The following MYO1G variants were observed in gnomAD, a reference collection of about 807,000 sequenced individuals.
The protein encoded by MYO1G is myosin IG.
MYO1G carries 65 observed loss-of-function variants against 115.3 expected under a neutral mutation model. The observed-to-expected ratio is 0.56, with a 90% CI of 0.46 to 0.69. The LOEUF is 0.69. MYO1G is among the 30% of genes least tolerant of loss of function. MYO1G has a pLI of 0.00. For synonymous variants in MYO1G, 510 were observed against 552.6 expected (o/e 0.92, Z 1.08); for missense variants, 1,204 against 1,393.5 (o/e 0.86, Z 2.16).
intron 6 of MYO1G, 37 bp from the exon 7 acceptor site, chr7:44,971,826 T>C: frequency 6.9e-7 from 1 of 1,459,446 alleles, no homozygotes; most frequent in African/African-American, 1.4e-5. Context: ...AAAGCCACAC[T>C]GGGCCCAGGA....
In MYO1G at chr7:44,963,898, G is replaced by A; in HGVS notation, c.2745+151C>T. The A allele has an allele frequency of 1.5e-6, 1 of 667,130 alleles. No individual in the cohort carries two copies. Among genetic ancestry groups the A allele is most frequent in the Non-Finnish European group, 2.6e-6 (1 of 384,070 alleles). 41.3% of individuals were successfully genotyped at this position (667,130 alleles called of 1,614,324 possible). A position where few individuals can be genotyped will look rare whatever the true frequency, so the allele number is the denominator to read the frequency against. The stretch of plus-strand genomic sequence containing the variant: ...CTGTGGGCGTGGGAAGCCACTGCAG[G>A]ATTTTCAGCACGGGTGCCACCATCG... On this transcript the variant is annotated intron_variant, in intron 20 of 21. Coordinates refer to ENST00000258787, the MANE Select transcript of MYO1G (RefSeq NM_033054.3). This position sits in a 1 kb window ranked among gnomAD's most constrained non-coding sequence, Gnocchi z 4.1.
At chr7:44,976,534 TG>T in intron 3 of MYO1G, 29 bp downstream of exon 3, 1 of 1,607,496 alleles carries the variant, frequency 6.2e-7, no homozygotes, top group African/African-American at 1.3e-5. Flanking sequence ...CCTGCCATGC[TG>T]AGGCCCAGAG....
At chr7:44,978,760 C>G in intron 1 of MYO1G, 107 bp downstream of exon 1, 2 of 1,066,380 alleles carry the variant, frequency 1.9e-6, no homozygotes, top group South Asian at 1.4e-5. Context: ...GCCACTGCCC[C>G]CTCCCTTGGA....
chr7:44,964,221 G>A lies in MYO1G; in HGVS notation c.2632-59C>T. On this transcript the variant is annotated intron_variant, in intron 19 of 21. Transcript: ENST00000258787. This position sits in a 1 kb window ranked among gnomAD's most constrained non-coding sequence, Gnocchi z 5.1. ...TGCCCTGTCACCCACCAGGGCCCCA[G>A]GCTTCGGCAGTCCCTACTGCCTCCC... is the stretch of plus-strand genomic sequence containing the variant. 5.5e-6 allele frequency: 8 copies of A among 1,465,864 alleles called. No individual in the cohort carries two copies. In the Admixed American group the frequency reaches 1.6e-4, roughly 29 times the overall value. 90.8% of individuals were successfully genotyped at this position (1,465,864 alleles called of 1,614,324 possible).
chr7:44,966,319 G>C lies in MYO1G; in HGVS notation c.1950-39C>G, dbSNP rs1794843447. On this transcript the variant is annotated intron_variant, in intron 15 of 21. Coordinates refer to ENST00000258787, the MANE Select transcript of MYO1G (RefSeq NM_033054.3). This position sits in a 1 kb window ranked among gnomAD's most constrained non-coding sequence, Gnocchi z 5.0. ...ACAGGGCAGTGTGGCCCAGGCCTGG[G>C]GGAGAGATGATGGAGCCCACCCTGC... 1 of 1,544,028 alleles carries C rather than the reference G, an allele frequency of 6.5e-7. No homozygotes were observed. The highest frequency in any genetic ancestry group is 8.8e-7 in the Non-Finnish European group (1 of 1,139,802).
chr7:44,970,094 G>A lies in MYO1G; in HGVS notation c.1278C>T (p.Leu426=). Residue 426 remains leucine, a synonymous_variant, in exon 10 of 22, where the codon CTC becomes CTT. Transcript: ENST00000258787. ...ACTCTTCCTGTTCCTGCTTCAGGAT[G>A]AGCTGGATGAATAGCTGCTGCAGCT... ...NEKLQQLFIQ[L]ILKQEQEEYE... 3.1e-6 allele frequency: 5 copies of A among 1,614,080 alleles called. No individual in the cohort carries two copies. The highest frequency in any genetic ancestry group is 4.2e-6 in the Non-Finnish European group (5 of 1,180,030).
In MYO1G at chr7:44,978,927, G is replaced by T. The variant is rs746381955; in HGVS notation, c.35C>A (p.Pro12His). 3 of 1,614,186 alleles carry T rather than the reference G, an allele frequency of 1.9e-6. No individual in the cohort carries two copies. The highest frequency in any genetic ancestry group is 2.5e-6 in the Non-Finnish European group (3 of 1,180,006). Reference protein sequence around the residue: ...EDEEGPEYGKPDFVLLDQVTM... With the variant: ...EDEEGPEYGKHDFVLLDQVTM... ...CACTTGGTCCAAAAGCACAAAGTCA[G>T]GTTTGCCATACTCAGGGCCTTCCTC... Residue 12 changes from proline (P) to histidine (H), a missense_variant, in exon 1 of 22, where the codon CCT becomes CAT. Pro to His is a moderately conservative substitution (Grantham distance 77). Coordinates refer to ENST00000258787, the MANE Select transcript of MYO1G (RefSeq NM_033054.3).
intron 7 of MYO1G, 146 bp downstream of exon 7, chr7:44,971,527 G>A (rs1052676536): frequency 1.3e-5 from 8 of 634,810 alleles, no homozygotes; most frequent in African/African-American, 5.5e-5. Flanking sequence ...CTCATCACTC[G>A]AGCAGCTCAG....
chr7:44,969,403 G>C lies in MYO1G; in HGVS notation c.1574+10C>G. 1 of 1,613,452 alleles carries C rather than the reference G, an allele frequency of 6.2e-7. No homozygotes were observed. The highest frequency in any genetic ancestry group is 8.5e-7 in the Non-Finnish European group (1 of 1,179,830). On this transcript the variant is annotated intron_variant, in intron 12 of 21. Coordinates refer to ENST00000258787, the MANE Select transcript of MYO1G (RefSeq NM_033054.3). The surrounding 1 kb of genome is among the most constrained non-coding windows in gnomAD (Gnocchi z 5.0). ...GAAAGCCAGGGATGTGGGTGGGAGG[G>C]GGCCCTTACGTGACGTCCCCTGCAT...
At chr7:44,971,815 C>T (rs1562831756) in intron 6 of MYO1G, 26 bp from the exon 7 acceptor site, 2 of 1,502,622 alleles carry the variant, frequency 1.3e-6, no homozygotes, top group Non-Finnish European at 1.8e-6. Context: ...TTCATCACTC[C>T]AAAGCCACAC....
In MYO1G at chr7:44,967,548, C is replaced by T. The variant is rs1794868752; in HGVS notation, c.1782+57G>A. Reference sequence around the variant, plus strand: ...AGGTGGTTGGGACCCTACTTGGCACCGAGGGCACAGAGAGAAGGATCCGGA... The same window carrying T: ...AGGTGGTTGGGACCCTACTTGGCACTGAGGGCACAGAGAGAAGGATCCGGA... On this transcript the variant is annotated intron_variant, in intron 14 of 21. Coordinates refer to ENST00000258787, the MANE Select transcript of MYO1G (RefSeq NM_033054.3). 1.2e-5 allele frequency: 19 copies of T among 1,606,706 alleles called. 1 individual carries two copies. Among genetic ancestry groups the T allele is most frequent in the South Asian group, 5.5e-5 (5 of 90,206 alleles).
chr7:44,970,067 G>C lies in MYO1G; in HGVS notation c.1305C>G (p.Tyr435Ter). 6.2e-7 allele frequency: 1 copy of C among 1,613,958 alleles called. No homozygotes were observed. Residue 435 changes from tyrosine (Y) to a stop codon, truncating the protein, a stop_gained, in exon 10 of 22, where the codon TAC becomes TAG. Coordinates refer to ENST00000258787, the MANE Select transcript of MYO1G (RefSeq NM_033054.3). LOFTEE classifies it high-confidence loss of function. ...TCTGCCAGGTGATGCCCTCGCGCTC[G>C]TACTCTTCCTGTTCCTGCTTCAGGA... ...QLILKQEQEE[Y>*]EREGITWQSV...
chr7:44,971,996 C>A (rs1271670242), intron 6 of MYO1G, 119 bp downstream of exon 6: 2 of 868,354 alleles, frequency 2.3e-6, no homozygotes, highest in Non-Finnish European at 3.8e-6. Context: ...AGCACCCTCC[C>A]CACTCACGCA....
chr7:44,963,606 T>C lies in MYO1G; in HGVS notation c.2745+443A>G, dbSNP rs938272342. 5 of 198,928 alleles carry C rather than the reference T, an allele frequency of 2.5e-5. No individual in the cohort carries two copies. Among genetic ancestry groups the C allele is most frequent in the African/African-American group, 2.3e-5 (1 of 42,798 alleles). 12.3% of individuals were successfully genotyped at this position (198,928 alleles called of 1,614,324 possible). On this transcript the variant is annotated intron_variant, in intron 20 of 21. Coordinates refer to ENST00000258787, the MANE Select transcript of MYO1G (RefSeq NM_033054.3). The surrounding 1 kb of genome is among the most constrained non-coding windows in gnomAD (Gnocchi z 4.1). ...GGCCTTGATCCCTACCCCCGTCTTG[T>C]GGGAAAGAGAATTTATGGGAACAGC... is the stretch of plus-strand genomic sequence containing the variant.
rs779107157 is a variant in MYO1G at position 44,966,233 on chromosome 7, G to T, written c.1997C>A (p.Ser666Tyr). 1 of 1,611,890 alleles carries T rather than the reference G, an allele frequency of 6.2e-7. No individual in the cohort carries two copies. Residue 666 changes from serine to tyrosine, a missense_variant, in exon 16 of 22, where the codon TCC becomes TAC. By Grantham distance (144) the Ser-to-Tyr change is moderately radical. Coordinates refer to ENST00000258787, the MANE Select transcript of MYO1G (RefSeq NM_033054.3). The surrounding 1 kb of genome is among the most constrained non-coding windows in gnomAD (Gnocchi z 5.0). Reference sequence around the variant, plus strand: ...GAGAGCGCTCACGGCTGCCTTGTCGGAGCCCAGCAGGTGGTTGGGCCATGT... The same window carrying T: ...GAGAGCGCTCACGGCTGCCTTGTCGTAGCCCAGCAGGTGGTTGGGCCATGT... ...EYTWPNHLLG[S>Y]DKAAVSALLE...
intron 6 of MYO1G, 60 bp from the exon 7 acceptor site, chr7:44,971,849 T>A: frequency 3.1e-6 from 4 of 1,295,524 alleles, no homozygotes; most frequent in Non-Finnish European, 4.3e-6. Flanking sequence ...CCTGTCTCCC[T>A]TGAGGCTTGA....
chr7:44,974,196 C>T (rs953983799), intron 5 of MYO1G: 1 of 151,950 alleles, frequency 6.6e-6, no homozygotes, highest in South Asian at 2.1e-4. Context: ...GGGAGCACCA[C>T]ACCATGGAAG....
rs1302281721 is a variant in MYO1G at position 44,963,350 on chromosome 7, A to G, written c.2746-226T>C. 3.8e-6 allele frequency: 2 copies of G among 526,060 alleles called. No individual in the cohort carries two copies. Among genetic ancestry groups the G allele is most frequent in the Non-Finnish European group, 6.6e-6 (2 of 304,516 alleles). The allele number at this position is 526,060 out of a possible 1,614,324, so 32.6% of individuals were successfully genotyped here. ...CACAATACGATTTTCTCCAGGACTG[A>G]TGGTTCTAGATCCTTGCTGTCCAAC... On this transcript the variant is annotated intron_variant, in intron 20 of 21. Coordinates refer to ENST00000258787, the MANE Select transcript of MYO1G (RefSeq NM_033054.3). This position sits in a 1 kb window ranked among gnomAD's most constrained non-coding sequence, Gnocchi z 4.1.
chr7:44,976,834 G>T, intron 2 of MYO1G, 29 bp downstream of exon 2: 1 of 1,610,936 alleles, frequency 6.2e-7, no homozygotes. Context: ...AGATGCCGAG[G>T]GTGGGGGCCC....
Sources: gnomAD v4.1 joint callset for allele counts on GRCh38, gnomAD v4.1.1 for gene constraint, Gnocchi (gnomAD v3.1) non-coding constraint, MANE v1.5 for transcripts, NCBI Gene and HGNC (gene_info 2026-07-23, HGNC 2026-07-21) for gene names.